Variants in PABPC1L observed in about 807,000 individuals in gnomAD.
PABPC1L encodes the protein poly(A) binding protein cytoplasmic 1 like, also known as polyadenylate-binding protein 1-like.
A neutral mutation model predicts 66.6 loss-of-function variants in PABPC1L; 31 were observed. The ratio of observed to expected loss-of-function variants is 0.47; its 90% CI spans 0.35 to 0.63. The LOEUF (loss-of-function observed/expected upper bound fraction) is 0.63. Among genes scored for constraint, PABPC1L ranks in the 20% least tolerant of loss-of-function variants. PABPC1L has a pLI of 0.00. For missense variants in PABPC1L, 722 were observed against 848.8 expected (o/e 0.85, Z 1.86); for synonymous variants, 348 against 335.1 (o/e 1.04, Z -0.42).
chr20:44,926,121 C>A (rs951686239), intron 7 of PABPC1L, among the ~76,000 whole-genome samples: 4 of 152,158 alleles, frequency 2.6e-5, no homozygotes, highest in Non-Finnish European at 5.9e-5. Context: ...CTTGAGGACT[C>A]CCCGAACAAA....
intron 1 of PABPC1L, among the ~76,000 whole-genome samples, chr20:44,910,925 G>A (rs1317211463): frequency 6.6e-6 from 1 of 152,216 alleles, no homozygotes; most frequent in Non-Finnish European, 1.5e-5. Context: ...TGATAGCATT[G>A]ATTAGAGCTT....
At chr20:44,916,350 G>A (rs925751928) in intron 2 of PABPC1L, among the ~76,000 whole-genome samples, 6 of 152,110 alleles carry the variant, frequency 3.9e-5, no homozygotes, top group African/African-American at 1.4e-4. Context: ...TCAGCTCACC[G>A]CAACCTCCGC....
chr20:44,921,571 A>G (rs999521100), intron 5 of PABPC1L, 23 bp from the exon 6 acceptor site: 4 of 1,613,128 alleles, frequency 2.5e-6, no homozygotes, highest in Non-Finnish European at 3.4e-6. Context: ...GTTACCAAGC[A>G]TGTTCCCTCC....
At chr20:44,916,240 A>G (rs1261803375) in intron 2 of PABPC1L, among the ~76,000 whole-genome samples, 1 of 152,108 alleles carries the variant, frequency 6.6e-6, no homozygotes, top group African/African-American at 2.4e-5. Context: ...ACCTGTGTTC[A>G]TTTCGTTCTC....
At chr20:44,932,212 C>G in intron 8 of PABPC1L, 130 bp from the exon 9 acceptor site, 1 of 564,044 alleles carries the variant, frequency 1.8e-6, no homozygotes. Flanking sequence ...TCATTACAGC[C>G]TTGTGGGTCT....
In PABPC1L at chr20:44,910,161, T is replaced by C. The variant is rs937432048; in HGVS notation, c.18T>C (p.Ser6=). MNASG[S]GYPLASLYVG... is the part of the protein sequence containing the mutation. The stretch of plus-strand genomic sequence containing the variant: ...TGCCCACCATGAACGCCAGCGGTTC[T>C]GGCTACCCGCTTGCCTCGCTTTACG... Residue 6 remains serine (S), a synonymous_variant, in exon 1 of 15, where the codon TCT becomes TCC. Transcript: ENST00000217073. 27 of 1,570,524 alleles carry C rather than the reference T, an allele frequency of 1.7e-5. No homozygotes were observed. In the African/African-American group the frequency reaches 3.5e-4, roughly 21 times the overall value.
chr20:44,935,840 CTG>C (rs1306484793), intron 11 of PABPC1L, among the ~76,000 whole-genome samples: 3 of 152,144 alleles, frequency 2.0e-5, no homozygotes, highest in Non-Finnish European at 2.9e-5. Flanking sequence ...TAATCAAAGA[CTG>C]TGTATTTATC....
intron 6 of PABPC1L, 69 bp downstream of exon 6, chr20:44,921,800 G>A: frequency 6.3e-7 from 1 of 1,593,382 alleles, no homozygotes; most frequent in Admixed American, 1.9e-5. Flanking sequence ...GCCCTGAGTG[G>A]TGACTGTTTC....
intron 6 of PABPC1L, among the ~76,000 whole-genome samples, chr20:44,923,853 C>T (rs181550516): frequency 6.6e-6 from 1 of 152,292 alleles, no homozygotes; most frequent in East Asian, 1.9e-4. Flanking sequence ...CTCTGCACCT[C>T]AGCCTGCCAC....
intron 2 of PABPC1L, among the ~76,000 whole-genome samples, chr20:44,914,204 C>CTTTTTTTTT (rs1201412446): frequency 7.0e-5 from 8 of 114,370 alleles, no homozygotes; most frequent in East Asian, 2.5e-4. Context: ...TGTGTCAGAA[C>CTTTTTTTTT]TTTTTTTTTT....
At position 44,938,136 on chromosome 20, in the gene PABPC1L, T is replaced by C. The variant is rs1337256862; in HGVS notation, c.1736T>C (p.Ile579Thr). Residue 579 changes from isoleucine (I) to threonine (T), a missense_variant, in exon 13 of 15, where the codon ATT becomes ACT. Ile to Thr is a moderately conservative substitution (Grantham distance 89). This residue lies in a region of PABPC1L where 301 missense variants were observed against 337.2 expected (regional missense o/e 0.89). Coordinates refer to ENST00000217073, the MANE Select transcript of PABPC1L (RefSeq NM_001372179.1). The part of the protein sequence containing the change: ...AGKITGMLLE[I>T]DNSELLLMLE... The stretch of plus-strand genomic sequence containing the variant: ...AAGATCACGGGCATGCTGCTGGAGA[T>C]TGACAACTCAGAGCTGTTGCTCATG... The C allele has an allele frequency of 6.2e-7, 1 of 1,614,168 alleles. No homozygotes were observed.
In PABPC1L at chr20:44,919,274, G is replaced by A; in HGVS notation, c.735G>A (p.Gln245=). The change falls in exon 5 of 15, where the codon CAG becomes CAA. Residue 245 remains glutamine (Q), a synonymous_variant. Transcript: ENST00000217073. ...ACTTTGAGAAGCATGAGGAAGCCCA[G>A]AAGGTAGGAGCCTCCCCATGGCTCT... is the stretch of plus-strand genomic sequence containing the variant. ...FVNFEKHEEA[Q]KAVVHMNGKE... 1 of 1,614,164 alleles carries A rather than the reference G, an allele frequency of 6.2e-7. No individual in the cohort carries two copies. Among genetic ancestry groups the A allele is most frequent in the Non-Finnish European group, 8.5e-7 (1 of 1,179,996 alleles).
chr20:44,916,960 C>A, intron 3 of PABPC1L, 89 bp downstream of exon 3: 3 of 1,268,702 alleles, frequency 2.4e-6, no homozygotes, highest in South Asian at 1.2e-5. Flanking sequence ...CCTCAAGCTG[C>A]TAATGGGCAC....
chr20:44,916,861 G>T lies in PABPC1L; in HGVS notation c.493G>T (p.Asp165Tyr). Residue 165 changes from aspartate to tyrosine, a missense_variant, in exon 3 of 15, where the codon GAC becomes TAC. Physicochemically the swap from Asp to Tyr is radical, Grantham distance 160 (BLOSUM62 -3). Around this residue, in one of 3 missense-constraint regions of PABPC1L, gnomAD observed 284 missense variants for 294.8 expected, o/e 0.96. Coordinates refer to ENST00000217073, the MANE Select transcript of PABPC1L (RefSeq NM_001372179.1). ...CACCATGAATGGGATGCTGCTGAAT[G>T]ACCGCAAAGTGTGAGTGGCTGGGCC... ...INTMNGMLLN[D>Y]RKVFVGHFKS... The T allele has an allele frequency of 6.2e-7, 1 of 1,614,098 alleles. No homozygotes were observed. The highest frequency in any genetic ancestry group is 1.1e-5 in the South Asian group (1 of 91,030).
chr20:44,915,971 A>G (rs2066735165), intron 2 of PABPC1L, among the ~76,000 whole-genome samples: 1 of 152,152 alleles, frequency 6.6e-6, no homozygotes, highest in African/African-American at 2.4e-5. Context: ...CAAAATTTCC[A>G]ATGTGTAGAT....
In PABPC1L at chr20:44,916,816, G is replaced by T. The variant is rs377495276; in HGVS notation, c.448G>T (p.Ala150Ser). The change falls in exon 3 of 15, where the codon GCC becomes TCC. Residue 150 changes from alanine (A) to serine (S), a missense_variant. Around this residue, in one of 3 missense-constraint regions of PABPC1L, gnomAD observed 284 missense variants for 294.8 expected, o/e 0.96. Transcript: ENST00000217073. The part of the protein sequence containing the change: ...FGFVHFETHE[A>S]AQQAINTMNG... ...CTTTGTCCATTTTGAGACCCATGAG[G>T]CCGCACAGCAGGCCATCAACACCAT... 1 of 1,614,160 alleles carries T rather than the reference G, an allele frequency of 6.2e-7. No homozygotes were observed. The highest frequency in any genetic ancestry group is 1.3e-5 in the African/African-American group (1 of 75,042).
chr20:44,924,425 G>A (rs2066794928), intron 7 of PABPC1L, among the ~76,000 whole-genome samples, 169 bp downstream of exon 7: 1 of 152,146 alleles, frequency 6.6e-6, no homozygotes. Context: ...GCCATCTGCA[G>A]CCTTGTCTGG....
chr20:44,930,006 A>C (rs2066838890), intron 7 of PABPC1L, among the ~76,000 whole-genome samples: 1 of 152,072 alleles, frequency 6.6e-6, no homozygotes, highest in Admixed American at 6.6e-5. Context: ...TAACGTATGA[A>C]CCACAGGCTG....
rs750200544 is a variant in PABPC1L, at chr20:44,921,635, G to A, written c.780G>A (p.Leu260=). 6.2e-7 allele frequency: 1 copy of A among 1,614,036 alleles called. No individual in the cohort carries two copies. Among genetic ancestry groups the A allele is most frequent in the Non-Finnish European group, 8.5e-7 (1 of 1,179,990 alleles). Residue 260 remains leucine, a synonymous_variant, in exon 6 of 15, where the codon CTG becomes CTA. Coordinates refer to ENST00000217073, the MANE Select transcript of PABPC1L (RefSeq NM_001372179.1). ...ACGGGAAGGAGGTGAGCGGGCGGCTGCTGTACGCGGGCCGGGCCCAAAAGC... is the reference window on the plus strand; with the variant it reads ...ACGGGAAGGAGGTGAGCGGGCGGCTACTGTACGCGGGCCGGGCCCAAAAGC... ...HMNGKEVSGR[L]LYAGRAQKRV...
Sources: gnomAD v4.1 joint callset for allele counts (sites outside exome capture counted in the v4.1 genomes callset) on GRCh38, gnomAD v4.1.1 for gene constraint, gnomAD v4.1.1 regional missense constraint, MANE v1.5 for transcripts, NCBI Gene and HGNC (gene_info 2026-07-23, HGNC 2026-07-21) for gene names.